Variants in ANKS1B observed in about 807,000 individuals in gnomAD.
ANKS1B encodes the protein ankyrin repeat and sterile alpha motif domain-containing protein 1B.
ANKS1B carries 36 observed loss-of-function variants against 148.3 expected under a neutral mutation model. The observed-to-expected ratio is 0.24, with a 90% CI of 0.19 to 0.32. ANKS1B has a LOEUF of 0.32. ANKS1B is among the 10% of genes least tolerant of loss of function. The pLI, the probability that ANKS1B is intolerant of heterozygous loss-of-function variation, is 1.00. For missense variants in ANKS1B, 1,157 were observed against 1,542.6 expected, an observed-to-expected ratio of 0.75 and a Z score of 4.19; for synonymous variants, 542 against 560.8, an observed-to-expected ratio of 0.97 and a Z score of 0.47.
At chr12:99,321,547 G>A (rs184361664) in intron 12 of ANKS1B, among the ~76,000 whole-genome samples, 19 of 152,324 alleles carry the variant, frequency 1.2e-4, no homozygotes, top group Admixed American at 2.6e-4. Context: ...TGCTAAGACC[G>A]TTGGAAATGC....
chr12:99,685,809 G>A (rs1166962238), intron 8 of ANKS1B, among the ~76,000 whole-genome samples: 1 of 151,890 alleles, frequency 6.6e-6, no homozygotes, highest in African/African-American at 2.4e-5. Context: ...CCATAAAAAG[G>A]AATGAAATAA....
At chr12:99,747,704 C>T (rs2060722879) in intron 8 of ANKS1B, among the ~76,000 whole-genome samples, 1 of 152,098 alleles carries the variant, frequency 6.6e-6, no homozygotes, top group African/African-American at 2.4e-5. Flanking sequence ...GTCCCACTTA[C>T]GTGATGTTGG....
chr12:99,715,550 C>T (rs2057201492), intron 8 of ANKS1B, among the ~76,000 whole-genome samples: 1 of 152,206 alleles, frequency 6.6e-6, no homozygotes, highest in Non-Finnish European at 1.5e-5. Flanking sequence ...ATTGCTCACA[C>T]AAAGCCAGTT....
In ANKS1B at chr12:98,885,505, A is replaced by G. The variant is rs1306880995; in HGVS notation, c.2779-53369T>C. Among the ~76,000 whole-genome samples, 3 of 152,230 alleles carry G rather than the reference A, an allele frequency of 2.0e-5. No homozygotes were observed. In the South Asian group the frequency reaches 6.2e-4, roughly 32 times the overall value. On this transcript the variant is annotated intron_variant, in intron 17 of 26. Transcript: ENST00000683438. The stretch of plus-strand genomic sequence containing the variant: ...ATAGGAACATGTGCAATGAAAGAAG[A>G]AGATCAAAGGGCTGATTCAACAGAA...
chr12:99,904,003 G>A (rs1287627434), intron 1 of ANKS1B, among the ~76,000 whole-genome samples: 1 of 152,144 alleles, frequency 6.6e-6, no homozygotes, highest in African/African-American at 2.4e-5. Flanking sequence ...TATGACTAGT[G>A]GCTACTGTGT....
intron 15 of ANKS1B, among the ~76,000 whole-genome samples, chr12:99,087,612 AT>A (rs2052375056): frequency 6.6e-6 from 1 of 152,228 alleles, no homozygotes; most frequent in Non-Finnish European, 1.5e-5. Context: ...TGAGCGAGAT[AT>A]GTGATACCAT....
intron 14 of ANKS1B, among the ~76,000 whole-genome samples, chr12:99,199,951 A>G (rs924038048): frequency 3.3e-5 from 5 of 152,216 alleles, no homozygotes; most frequent in African/African-American, 1.2e-4. Context: ...TAGGAAGAAG[A>G]GAGTGATGAA....
intron 12 of ANKS1B, among the ~76,000 whole-genome samples, chr12:99,267,867 C>T (rs1010778775): frequency 3.3e-4 from 50 of 152,096 alleles, no homozygotes; most frequent in African/African-American, 1.1e-3. Flanking sequence ...ATATGGAGCT[C>T]GGAAAGTACA....
chr12:99,150,933 T>C (rs1348072564), intron 15 of ANKS1B, among the ~76,000 whole-genome samples: 2 of 152,082 alleles, frequency 1.3e-5, no homozygotes. Context: ...AAGATTCTGT[T>C]GTGAAGGGGC....
chr12:99,336,926 A>G (rs538719856), intron 12 of ANKS1B, among the ~76,000 whole-genome samples: 110 of 152,178 alleles, frequency 7.2e-4, no homozygotes, highest in Admixed American at 2.1e-3. Context: ...TGCTGCTTTC[A>G]GGATCCTTTC....
chr12:99,235,651 G>T (rs1463055099), intron 14 of ANKS1B, among the ~76,000 whole-genome samples: 1 of 152,128 alleles, frequency 6.6e-6, no homozygotes, highest in Non-Finnish European at 1.5e-5. Context: ...GTCTATCTTG[G>T]AGCTAATATC....
intron 15 of ANKS1B, among the ~76,000 whole-genome samples, chr12:99,148,667 CAT>C (rs1454001553): frequency 1.3e-5 from 2 of 152,046 alleles, no homozygotes; most frequent in East Asian, 3.9e-4. Context: ...TAAACTGAAT[CAT>C]AGAGAAACAA....
At chr12:99,479,188 G>C (rs1238386857) in intron 10 of ANKS1B, among the ~76,000 whole-genome samples, 2 of 151,906 alleles carry the variant, frequency 1.3e-5, no homozygotes, top group Non-Finnish European at 2.9e-5. Flanking sequence ...TAAACATAAA[G>C]TTTTCAAATA....
intron 1 of ANKS1B, among the ~76,000 whole-genome samples, chr12:99,916,378 C>T (rs1287537986): frequency 6.6e-6 from 1 of 152,166 alleles, no homozygotes; most frequent in Non-Finnish European, 1.5e-5. Flanking sequence ...TCCAAAATAG[C>T]TTTGTGGTCT....
rs561130415 is a variant in ANKS1B, at chr12:99,717,461, C to T, written c.1128+55461G>A. 1.8e-4 allele frequency among the ~76,000 whole-genome samples: 28 copies of T among 152,336 alleles called. No homozygotes were observed. In the East Asian group the frequency reaches 4.4e-3, roughly 24 times the overall value. On this transcript the variant is annotated intron_variant, in intron 8 of 26. Coordinates refer to ENST00000683438, the MANE Select transcript of ANKS1B (RefSeq NM_001352186.2). ...GCCCGCCTCCCCCAGGAGCTTGCTA[C>T]AAGTGCCAGAAATCTGGCCACCAGG...
At chr12:99,717,711 G>A (rs951331729) in intron 8 of ANKS1B, among the ~76,000 whole-genome samples, 2 of 151,984 alleles carry the variant, frequency 1.3e-5, no homozygotes, top group Non-Finnish European at 2.9e-5. Flanking sequence ...CACGGACGCC[G>A]AGCTTTAAGT....
At chr12:99,475,934 T>C (rs955780478) in intron 10 of ANKS1B, among the ~76,000 whole-genome samples, 1 of 151,958 alleles carries the variant, frequency 6.6e-6, no homozygotes, top group Admixed American at 6.6e-5. Context: ...TAACACAGTA[T>C]TAAAAAATCC....
chr12:99,778,125 G>A lies in ANKS1B; in HGVS notation c.847+1746C>T, dbSNP rs558057031. ...TGAGGCAGGAGAATGGTGTGAACCGGGGAGGCAGAGCTTGCAGTGAGCCCA... is the reference window on the plus strand; with the variant it reads ...TGAGGCAGGAGAATGGTGTGAACCGAGGAGGCAGAGCTTGCAGTGAGCCCA... On this transcript the variant is annotated intron_variant, in intron 6 of 26. Coordinates refer to ENST00000683438, the MANE Select transcript of ANKS1B (RefSeq NM_001352186.2). Among the ~76,000 whole-genome samples, 21 of 151,982 alleles carry A rather than the reference G, an allele frequency of 1.4e-4. No homozygotes were observed. In the South Asian group the frequency reaches 3.9e-3, roughly 29 times the overall value.
intron 15 of ANKS1B, among the ~76,000 whole-genome samples, chr12:99,109,606 C>T (rs1381496941): frequency 2.6e-5 from 4 of 152,168 alleles, no homozygotes; most frequent in Non-Finnish European, 5.9e-5. Flanking sequence ...GTTCAAAATA[C>T]ATATAAGTGA....
Sources: allele counts gnomAD v4.1 joint callset (sites outside exome capture counted in the v4.1 genomes callset), GRCh38; gene constraint gnomAD v4.1.1; transcripts MANE v1.5; gene names NCBI Gene and HGNC (gene_info 2026-07-23, HGNC 2026-07-21).